The following ITGBL1 variants were observed in gnomAD, a reference collection of about 807,000 sequenced individuals.
ITGBL1 encodes integrin subunit beta like 1, also known as integrin beta-like protein 1.
In ITGBL1, 51 loss-of-function variants were observed where a neutral mutation model predicts 68.5. That is an observed-to-expected ratio of 0.74 (90% confidence interval 0.59 to 0.94). The LOEUF (loss-of-function observed/expected upper bound fraction) is 0.94. Among genes scored for constraint, ITGBL1 ranks in the 40% least tolerant of loss-of-function variants. The probability of loss-of-function intolerance (pLI) is 0.00; values close to 1 mark genes in which losing one functional copy is unlikely to be tolerated. For synonymous variants in ITGBL1, 209 were observed against 227.3 expected (o/e 0.92, Z 0.72); for missense variants, 649 against 647.4 (o/e 1.00, Z -0.03).
At chr13:101,524,356 GAGAT>G (rs1264504857) in intron 2 of ITGBL1, among the ~76,000 whole-genome samples, 1 of 148,468 alleles carries the variant, frequency 6.7e-6, no homozygotes, top group Admixed American at 6.8e-5. Context: ...TTTTTGGTGA[GAGAT>G]AGATTGTAAA....
chr13:101,645,650 G>A (rs976336924), intron 7 of ITGBL1, among the ~76,000 whole-genome samples: 1 of 152,158 alleles, frequency 6.6e-6, no homozygotes, highest in Non-Finnish European at 1.5e-5. Flanking sequence ...TCTCTGGGGT[G>A]AGCCAGGTAA....
At chr13:101,602,813 A>C (rs2030468616) in intron 7 of ITGBL1, among the ~76,000 whole-genome samples, 1 of 152,056 alleles carries the variant, frequency 6.6e-6, no homozygotes, top group Admixed American at 6.6e-5. Flanking sequence ...ATACAAATGG[A>C]ATCATAAAAT....
intron 10 of ITGBL1, 43 bp from the exon 11 acceptor site, chr13:101,715,520 C>T: frequency 7.3e-7 from 1 of 1,362,866 alleles, no homozygotes; most frequent in East Asian, 2.3e-5. Flanking sequence ...AAATTTGGCA[C>T]ATTTTGATCA....
At chr13:101,479,148 AAATC>A (rs1220962499) in intron 2 of ITGBL1, among the ~76,000 whole-genome samples, 1 of 151,526 alleles carries the variant, frequency 6.6e-6, no homozygotes, top group Non-Finnish European at 1.5e-5. Context: ...ACACATAAAT[AAATC>A]CATACATCTA....
At chr13:101,455,417 A>G (rs2048229662) in intron 2 of ITGBL1, among the ~76,000 whole-genome samples, 1 of 152,194 alleles carries the variant, frequency 6.6e-6, no homozygotes, top group African/African-American at 2.4e-5. Context: ...CTGTAATCCC[A>G]GCACTTTGGG....
rs966345085 is a variant in ITGBL1 at position 101,563,242 on chromosome 13, G to GA, written c.317-4449dup. 7.6e-5 allele frequency among the ~76,000 whole-genome samples: 11 copies of GA among 145,626 alleles called. No individual in the cohort carries two copies. In the East Asian group the frequency reaches 1.4e-3, roughly 19 times the overall value. On this transcript the variant is annotated intron_variant, in intron 2 of 10. Coordinates refer to ENST00000376180, the MANE Select transcript of ITGBL1 (RefSeq NM_004791.3). ...ATTTATACTTCTACCCTAGAAAATA[G>GA]AAAAAAAAGACCTAATTAAATCCAA...
intron 1 of ITGBL1, 76 bp downstream of exon 1, chr13:101,453,007 C>A: frequency 8.3e-7 from 1 of 1,209,860 alleles, no homozygotes; most frequent in Non-Finnish European, 1.2e-6. Context: ...AGGATGGCTG[C>A]CCTAAGCCAA....
chr13:101,563,121 A>G (rs1014568583), intron 2 of ITGBL1, among the ~76,000 whole-genome samples: 3 of 151,356 alleles, frequency 2.0e-5, no homozygotes, highest in African/African-American at 7.2e-5. Flanking sequence ...AAAATATAAC[A>G]TATCAAAAAT....
At chr13:101,714,662 A>G (rs2034633224) in intron 10 of ITGBL1, 111 bp downstream of exon 10, 9 of 701,524 alleles carry the variant, frequency 1.3e-5, no homozygotes, top group South Asian at 1.2e-4. Flanking sequence ...AACCGTGAAT[A>G]TGAAATATCT....
chr13:101,640,395 T>A (rs992004334), intron 7 of ITGBL1, among the ~76,000 whole-genome samples: 24 of 152,284 alleles, frequency 1.6e-4, no homozygotes, highest in Non-Finnish European at 2.6e-4. Context: ...AAGAATACAA[T>A]GTCCCAGACC....
intron 2 of ITGBL1, among the ~76,000 whole-genome samples, chr13:101,492,209 A>G (rs1017054838): frequency 7.9e-5 from 12 of 152,226 alleles, no homozygotes; most frequent in Admixed American, 7.9e-4. Flanking sequence ...TGTGGAAGAC[A>G]GCGTGGTGAT....
At chr13:101,532,909 A>G (rs1357994743) in intron 2 of ITGBL1, among the ~76,000 whole-genome samples, 1 of 152,158 alleles carries the variant, frequency 6.6e-6, no homozygotes, top group East Asian at 1.9e-4. Context: ...ATAGAAAATA[A>G]AGAACTACTG....
At chr13:101,531,775 C>T (rs967054036) in intron 2 of ITGBL1, among the ~76,000 whole-genome samples, 1 of 151,410 alleles carries the variant, frequency 6.6e-6, no homozygotes, top group Non-Finnish European at 1.5e-5. Flanking sequence ...CTCTGTGGCT[C>T]AGGCTGGGGT....
At chr13:101,454,178 G>A in intron 2 of ITGBL1, 78 bp downstream of exon 2, 1 of 1,059,008 alleles carries the variant, frequency 9.4e-7, no homozygotes, top group Non-Finnish European at 1.3e-6. Context: ...CTAGAAGAGT[G>A]AAGGGTGGGG....
At chr13:101,713,514 A>C (rs2034576052) in intron 9 of ITGBL1, 1 of 152,208 alleles carries the variant, frequency 6.6e-6, no homozygotes, top group African/African-American at 2.4e-5. Context: ...AAGGAAACAG[A>C]AGGAAAAGAA....
At position 101,542,565 on chromosome 13, in the gene ITGBL1, A is replaced by G. The variant is rs1280268377; in HGVS notation, c.317-25134A>G. Among the ~76,000 whole-genome samples, 3 of 152,128 alleles carry G rather than the reference A, an allele frequency of 2.0e-5. No individual in the cohort carries two copies. The East Asian group carries it at 5.8e-4, about 29-fold the overall frequency. ...GGGGTGGAGAGTTCTGTAGATGTCT[A>G]TTAGGTCTGTTTGATGCAGAGCTGA... is the stretch of plus-strand genomic sequence containing the variant. On this transcript the variant is annotated intron_variant, in intron 2 of 10. Coordinates refer to ENST00000376180, the MANE Select transcript of ITGBL1 (RefSeq NM_004791.3).
rs71780453 is a variant in ITGBL1, at chr13:101,693,624, G to GTCTGTCTGTCTA, written c.1132+926_1132+927insGTCTGTCTATCT. 3.1e-3 allele frequency among the ~76,000 whole-genome samples: 460 copies of GTCTGTCTGTCTA among 146,184 alleles called. 2 individuals are homozygous for GTCTGTCTGTCTA. Among genetic ancestry groups the GTCTGTCTGTCTA allele is most frequent in the East Asian group, 6.4e-3 (31 of 4,850 alleles). On this transcript the variant is annotated intron_variant, in intron 8 of 10. Coordinates refer to ENST00000376180, the MANE Select transcript of ITGBL1 (RefSeq NM_004791.3). The stretch of plus-strand genomic sequence containing the variant: ...ATCCATCCATCCTATCTGTCTGTCT[G>GTCTGTCTGTCTA]TCTATCTATCTATCTATCTATCTAT...
chr13:101,453,981 G>A lies in ITGBL1; in HGVS notation c.197G>A (p.Arg66Gln), dbSNP rs938164927. The part of the protein sequence containing the change: ...QPPGAALCHG[R>Q]GRCDCGVCIC... Reference sequence around the variant, plus strand: ...CCGGGGGCCGCGCTGTGCCACGGCCGGGGCCGCTGCGACTGCGGCGTCTGC... The same window carrying A: ...CCGGGGGCCGCGCTGTGCCACGGCCAGGGCCGCTGCGACTGCGGCGTCTGC... Residue 66 changes from arginine to glutamine, a missense_variant, in exon 2 of 11, where the codon CGG becomes CAG. Arg to Gln is a conservative substitution (Grantham distance 43). Transcript: ENST00000376180. 2.0e-6 allele frequency: 3 copies of A among 1,538,138 alleles called. No homozygotes were observed. The highest frequency in any genetic ancestry group is 2.5e-5 in the East Asian group (1 of 39,846).
chr13:101,698,450 A>G (rs1363030482), intron 8 of ITGBL1, among the ~76,000 whole-genome samples: 1 of 152,216 alleles, frequency 6.6e-6, no homozygotes, highest in Admixed American at 6.5e-5. Flanking sequence ...TAATTTTTAC[A>G]GTTCAGTTTT....
Sources: gnomAD v4.1 joint callset for allele counts (sites outside exome capture counted in the v4.1 genomes callset) on GRCh38, gnomAD v4.1.1 for gene constraint, MANE v1.5 for transcripts, NCBI Gene and HGNC (gene_info 2026-07-23, HGNC 2026-07-21) for gene names.